The following CAMTA1 variants were observed in gnomAD, a reference collection of about 807,000 sequenced individuals.
CAMTA1 encodes calmodulin binding transcription activator 1.
Under a neutral mutation model 170.9 loss-of-function variants are expected in CAMTA1, and 27 were observed. The ratio of observed to expected loss-of-function variants is 0.16; its 90% confidence interval spans 0.12 to 0.22. The LOEUF is 0.22. CAMTA1 is among the 10% of genes least tolerant of loss of function. CAMTA1 has a pLI of 1.00. For synonymous variants in CAMTA1, 833 were observed against 891.5 expected (o/e 0.93, Z 1.17); for missense variants, 1,619 against 2,217.2 (o/e 0.73, Z 5.42).
intron 5 of CAMTA1, among the ~76,000 whole-genome samples, chr1:7,361,619 TAA>T (rs943758742): frequency 6.6e-6 from 1 of 152,210 alleles, no homozygotes; most frequent in African/African-American, 2.4e-5. Flanking sequence ...GTGACTTTTT[TAA>T]AAGTCAAGAT....
At chr1:7,016,087 T>A (rs1422791300) in intron 3 of CAMTA1, among the ~76,000 whole-genome samples, 1 of 152,100 alleles carries the variant, frequency 6.6e-6, no homozygotes, top group East Asian at 1.9e-4. Flanking sequence ...AGCCAAACCA[T>A]GTCATGCAGC....
At chr1:6,828,286 CTTTTT>C (rs746522147) in intron 3 of CAMTA1, among the ~76,000 whole-genome samples, 3 of 69,714 alleles carry the variant, frequency 4.3e-5, no homozygotes, top group African/African-American at 1.3e-4. Flanking sequence ...TCATTCCATC[CTTTTT>C]TTTTTTTTTT....
chr1:7,549,763 A>G (rs187930690), intron 6 of CAMTA1, among the ~76,000 whole-genome samples: 7 of 151,330 alleles, frequency 4.6e-5, no homozygotes, highest in African/African-American at 1.5e-4. Context: ...TCAGAAAGTG[A>G]TATGTGTTGT....
At chr1:7,106,272 G>A (rs72857584) in intron 4 of CAMTA1, among the ~76,000 whole-genome samples, 16,927 of 151,396 alleles carry the variant, frequency 0.11, 1,175 homozygotes, top group East Asian at 0.28. Flanking sequence ...GAGAGAGAGA[G>A]AAAGAAAGAA....
intron 3 of CAMTA1, among the ~76,000 whole-genome samples, chr1:6,989,489 A>G (rs911835871): frequency 3.3e-5 from 5 of 152,216 alleles, no homozygotes; most frequent in African/African-American, 1.2e-4. Flanking sequence ...AGGAAGATTT[A>G]CAGTGTGGAG....
intron 16 of CAMTA1, among the ~76,000 whole-genome samples, 153 bp from the exon 17 acceptor site, chr1:7,744,682 C>A (rs1453563175): frequency 1.3e-5 from 2 of 152,062 alleles, no homozygotes; most frequent in Non-Finnish European, 2.9e-5. Flanking sequence ...TATGTTATAA[C>A]CTTAAAATGG....
chr1:6,916,256 A>G lies in CAMTA1; in HGVS notation c.234+91046A>G, dbSNP rs564345179. Among the ~76,000 whole-genome samples, 173 of 152,240 alleles carry G rather than the reference A, an allele frequency of 1.1e-3. 4 individuals carry two copies. The highest frequency in any genetic ancestry group is 9.4e-3 in the Admixed American group (143 of 15,292). On this transcript the variant is annotated intron_variant, in intron 3 of 22. Coordinates refer to ENST00000303635, the MANE Select transcript of CAMTA1 (RefSeq NM_015215.4). Reference sequence around the variant, plus strand: ...TCCACCACCTGTCAGCGCAGAGCCCAGGGCGCTTCCCGGGCATCACAGAGT... The same window carrying G: ...TCCACCACCTGTCAGCGCAGAGCCCGGGGCGCTTCCCGGGCATCACAGAGT...
At chr1:6,992,212 G>A (rs1696499045) in intron 3 of CAMTA1, among the ~76,000 whole-genome samples, 1 of 152,022 alleles carries the variant, frequency 6.6e-6, no homozygotes. Context: ...TGGAACTACA[G>A]GTGCACACCA....
chr1:7,602,430 A>G (rs1398026667), intron 6 of CAMTA1, among the ~76,000 whole-genome samples: 2 of 152,082 alleles, frequency 1.3e-5, no homozygotes, highest in African/African-American at 4.8e-5. Context: ...TAGATTTTCT[A>G]CTTTATTTGC....
chr1:7,353,537 G>GCCA (rs2084861024), intron 5 of CAMTA1, among the ~76,000 whole-genome samples: 1 of 149,006 alleles, frequency 6.7e-6, no homozygotes, highest in African/African-American at 2.5e-5. Context: ...GCAATCTCCT[G>GCCA]CCTTAGCCTC....
At position 6,927,280 on chromosome 1, in the gene CAMTA1, A is replaced by G. The variant is rs559330310; in HGVS notation, c.234+102070A>G. 3.3e-5 allele frequency among the ~76,000 whole-genome samples: 5 copies of G among 152,058 alleles called. No homozygotes were observed. The South Asian group carries it at 6.2e-4, about 19-fold the overall frequency. On this transcript the variant is annotated intron_variant, in intron 3 of 22. Transcript: ENST00000303635. The stretch of plus-strand genomic sequence containing the variant: ...TTGAACTGGCCTCAAGCAATCGACC[A>G]CGTCAGCCTCCCAACGCGCTGAGAC...
intron 6 of CAMTA1, among the ~76,000 whole-genome samples, chr1:7,627,962 G>A (rs925277428): frequency 2.6e-5 from 4 of 152,126 alleles, no homozygotes; most frequent in Non-Finnish European, 4.4e-5. Flanking sequence ...AAGAGTGACC[G>A]GCTTAGCCGA....
chr1:6,902,039 TCA>T (rs536174579), intron 3 of CAMTA1, among the ~76,000 whole-genome samples: 36 of 114,348 alleles, frequency 3.1e-4, no homozygotes, highest in East Asian at 1.0e-3. Context: ...GGTGAGACTG[TCA>T]CACACACACA....
chr1:6,864,695 G>A (rs1464190653), intron 3 of CAMTA1, among the ~76,000 whole-genome samples: 1 of 152,168 alleles, frequency 6.6e-6, no homozygotes, highest in Non-Finnish European at 1.5e-5. Context: ...TGGGACCCCA[G>A]CTTACATGCC....
chr1:7,305,566 T>C (rs1482038380), intron 5 of CAMTA1, among the ~76,000 whole-genome samples: 1 of 152,078 alleles, frequency 6.6e-6, no homozygotes, highest in Non-Finnish European at 1.5e-5. Context: ...TTCATTCTGC[T>C]CAACGTTGCC....
At chr1:7,524,279 C>T (rs2094404317) in intron 6 of CAMTA1, among the ~76,000 whole-genome samples, 1 of 152,142 alleles carries the variant, frequency 6.6e-6, no homozygotes, top group African/African-American at 2.4e-5. Flanking sequence ...ATTGTGGTGG[C>T]CACATATTTA....
At chr1:7,210,347 T>G (rs1658531512) in intron 4 of CAMTA1, among the ~76,000 whole-genome samples, 1 of 152,178 alleles carries the variant, frequency 6.6e-6, no homozygotes, top group African/African-American at 2.4e-5. Context: ...TTGTCAGATG[T>G]TTCCTTAGGA....
intron 3 of CAMTA1, among the ~76,000 whole-genome samples, chr1:6,984,726 C>T (rs1202442829): frequency 2.0e-5 from 3 of 152,354 alleles, no homozygotes; most frequent in Non-Finnish European, 1.5e-5. Context: ...CACGTTTTCC[C>T]TCTCTGTACA....
intron 3 of CAMTA1, among the ~76,000 whole-genome samples, chr1:6,954,351 C>T (rs1689066364): frequency 6.6e-6 from 1 of 152,132 alleles, no homozygotes; most frequent in Non-Finnish European, 1.5e-5. Flanking sequence ...GAGTAACGCT[C>T]CTATTGCTCG....
Sources: allele counts gnomAD v4.1 joint callset (sites outside exome capture counted in the v4.1 genomes callset), GRCh38; gene constraint gnomAD v4.1.1; transcripts MANE v1.5; gene names NCBI Gene and HGNC (gene_info 2026-07-23, HGNC 2026-07-21).